Variants in USP24 observed in about 807,000 individuals in gnomAD.
USP24 encodes ubiquitin carboxyl-terminal hydrolase 24.
A neutral mutation model predicts 361.6 loss-of-function variants in USP24; 97 were observed. That is an observed-to-expected ratio of 0.27 (90% CI 0.23 to 0.32). The LOEUF is 0.32. Among genes scored for constraint, USP24 ranks in the 10% least tolerant of loss-of-function variants. The probability of loss-of-function intolerance (pLI) is 1.00; values close to 1 mark genes in which losing one functional copy is unlikely to be tolerated. For missense variants in USP24, 2,353 were observed against 3,165.6 expected (o/e 0.74, Z 6.16); for synonymous variants, 1,098 against 1,124.6 (o/e 0.98, Z 0.47).
rs1343024918 is a variant in USP24, at chr1:55,214,632, A to G, written c.324+158T>C. ...CCCAATCAAGTGACTTCGGTTCCCA[A>G]CTGGAGCCTGGGGCTTCTCTCTCTC... On this transcript the variant is annotated intron_variant, in intron 1 of 67. Transcript: ENST00000294383. Among the ~76,000 whole-genome samples, 6 of 151,614 alleles carry G rather than the reference A, an allele frequency of 4.0e-5. No individual in the cohort carries two copies. In the East Asian group the frequency reaches 7.8e-4, roughly 20 times the overall value.
chr1:55,111,702 T>C lies in USP24; in HGVS notation c.4509-1456A>G, dbSNP rs550626789. On this transcript the variant is annotated intron_variant, in intron 38 of 67. Transcript: ENST00000294383. ...TATACAGCTGATGTCTAATTCAGCT[T>C]AAATCTTGATGGTAAACTATAACAT... Among the ~76,000 whole-genome samples the C allele has an allele frequency of 3.3e-5, 5 of 152,268 alleles. No individual in the cohort carries two copies. The East Asian group carries it at 5.8e-4, about 18-fold the overall frequency.
intron 61 of USP24, 101 bp from the exon 62 acceptor site, chr1:55,077,401 G>A (rs1645051274): frequency 8.7e-6 from 9 of 1,039,838 alleles, no homozygotes; most frequent in Admixed American, 2.5e-5. Flanking sequence ...CCTTCTGGCC[G>A]ACCCTGGACA....
At chr1:55,075,626 A>G (rs567604944) in intron 62 of USP24, 103 bp from the exon 63 acceptor site, 17 of 442,260 alleles carry the variant, frequency 3.8e-5, no homozygotes, top group African/African-American at 1.7e-4. Context: ...TTAGTGTTTG[A>G]CAACAACAAC....
intron 54 of USP24, among the ~76,000 whole-genome samples, chr1:55,091,258 G>A (rs938711365): frequency 6.6e-6 from 1 of 152,066 alleles, no homozygotes; most frequent in Non-Finnish European, 1.5e-5. Context: ...ATTACAGCCT[G>A]AGCTCCACTT....
At chr1:55,183,813 TATC>T (rs1233649978) in intron 1 of USP24, among the ~76,000 whole-genome samples, 1 of 152,036 alleles carries the variant, frequency 6.6e-6, no homozygotes, top group Non-Finnish European at 1.5e-5. Flanking sequence ...TGTAAAAAGA[TATC>T]ATACACACAT....
intron 1 of USP24, among the ~76,000 whole-genome samples, chr1:55,214,387 TA>T (rs750375443): frequency 3.3e-4 from 50 of 151,960 alleles, no homozygotes; most frequent in Non-Finnish European, 5.7e-4. Context: ...CCTAGTGCAC[TA>T]GTACCCCATT....
chr1:55,187,200 T>C (rs1225475155), intron 1 of USP24, among the ~76,000 whole-genome samples: 1 of 152,110 alleles, frequency 6.6e-6, no homozygotes, highest in South Asian at 2.1e-4. Flanking sequence ...TCATCTCAAG[T>C]GAAGCAGGAA....
At chr1:55,199,674 G>A (rs897374111) in intron 1 of USP24, among the ~76,000 whole-genome samples, 3 of 151,876 alleles carry the variant, frequency 2.0e-5, no homozygotes, top group Admixed American at 6.6e-5. Flanking sequence ...GTGACAAAAT[G>A]TTTGCAAATA....
intron 50 of USP24, 139 bp downstream of exon 50, chr1:55,096,359 C>G: frequency 1.4e-6 from 1 of 716,136 alleles, no homozygotes; most frequent in Non-Finnish European, 2.0e-6. Context: ...AAAGAGCTTG[C>G]TCATGGTTCT....
rs373878708 is a variant in USP24, at chr1:55,069,118, G to A, written c.7801-11C>T. 9.9e-6 allele frequency: 16 copies of A among 1,613,770 alleles called. No homozygotes were observed. The African/African-American group carries it at 1.9e-4, about 19-fold the overall frequency. Reference sequence around the variant, plus strand: ...GGGAGATTCTGAACCCTGCAGAAAAGAAAAGGAAGTTAAAGTTCATACGGT... The same window carrying A: ...GGGAGATTCTGAACCCTGCAGAAAAAAAAAGGAAGTTAAAGTTCATACGGT... On this transcript the variant is annotated splice_polypyrimidine_tract_variant and intron_variant, in intron 67 of 67. Coordinates refer to ENST00000294383, the MANE Select transcript of USP24 (RefSeq NM_015306.3).
At chr1:55,073,734 C>T in intron 64 of USP24, 94 bp downstream of exon 64, 1 of 1,197,756 alleles carries the variant, frequency 8.3e-7, no homozygotes, top group Admixed American at 2.0e-5. Context: ...TCAGATTCTC[C>T]AGGTATCAAA....
intron 32 of USP24, among the ~76,000 whole-genome samples, chr1:55,127,337 A>G (rs539426227): frequency 0.02 from 3,114 of 151,980 alleles, 54 homozygotes; most frequent in Non-Finnish European, 0.033. Flanking sequence ...TTGTCCTTGC[A>G]ATAGTTTACT....
At chr1:55,168,634 A>G (rs1649141495) in intron 5 of USP24, among the ~76,000 whole-genome samples, 1 of 152,166 alleles carries the variant, frequency 6.6e-6, no homozygotes, top group African/African-American at 2.4e-5. Flanking sequence ...CTAAAGGGCT[A>G]CATCCTTGGT....
At chr1:55,214,722 G>C (rs1218229162) in intron 1 of USP24, 68 bp downstream of exon 1, 27 of 1,114,546 alleles carry the variant, frequency 2.4e-5, no homozygotes, top group Non-Finnish European at 3.0e-5. Context: ...AGCCCAGCGG[G>C]GTGTGTCCCC....
chr1:55,092,063 A>T lies in USP24; in HGVS notation c.6514T>A (p.Phe2172Ile). The T allele has an allele frequency of 6.2e-7, 1 of 1,612,530 alleles. No individual in the cohort carries two copies. Among genetic ancestry groups the T allele is most frequent in the Non-Finnish European group, 8.5e-7 (1 of 1,179,228 alleles). ...AKVSLQLAIQ[F>I]LFQTYLRTKK... The stretch of plus-strand genomic sequence containing the variant: ...GTCCGTAGATAAGTTTGAAAAAGGA[A>T]TTGAATAGCAAGCTGTAAGCTCACC... Residue 2172 changes from phenylalanine to isoleucine, a missense_variant, in exon 54 of 68, where the codon TTC becomes ATC. Around this residue, in one of 8 missense-constraint regions of USP24, gnomAD observed 598 missense variants for 761.9 expected, o/e 0.78. Coordinates refer to ENST00000294383, the MANE Select transcript of USP24 (RefSeq NM_015306.3).
chr1:55,150,423 T>C (rs570947953), intron 16 of USP24, among the ~76,000 whole-genome samples: 2 of 152,186 alleles, frequency 1.3e-5, no homozygotes, highest in Non-Finnish European at 2.9e-5. Context: ...AAATAAGGTA[T>C]ATATTAAAGG....
At chr1:55,178,389 C>A (rs1650201697) in intron 1 of USP24, among the ~76,000 whole-genome samples, 1 of 152,190 alleles carries the variant, frequency 6.6e-6, no homozygotes, top group Non-Finnish European at 1.5e-5. Flanking sequence ...ACTGTCCAGG[C>A]CGGGCGCAGT....
intron 57 of USP24, 24 bp from the exon 58 acceptor site, chr1:55,083,388 C>T: frequency 1.2e-6 from 2 of 1,610,512 alleles, no homozygotes; most frequent in Non-Finnish European, 1.7e-6. Flanking sequence ...TTGAGAATAA[C>T]AAATTATATT....
intron 38 of USP24, among the ~76,000 whole-genome samples, chr1:55,112,228 C>T (rs1234185084): frequency 1.3e-5 from 2 of 152,196 alleles, no homozygotes; most frequent in African/African-American, 4.8e-5. Context: ...AAACCAGCTC[C>T]TCGATTCACT....
Sources: allele counts gnomAD v4.1 joint callset (sites outside exome capture counted in the v4.1 genomes callset), GRCh38; gene constraint gnomAD v4.1.1; regional missense constraint gnomAD v4.1.1; transcripts MANE v1.5; gene names NCBI Gene and HGNC (gene_info 2026-07-23, HGNC 2026-07-21).